Variants in ARHGAP10 observed in about 807,000 individuals in gnomAD.
ARHGAP10 encodes the protein Rho GTPase activating protein 10.
ARHGAP10 carries 87 observed loss-of-function variants against 108.6 expected under a neutral mutation model. The ratio of observed to expected loss-of-function variants is 0.80; its 90% confidence interval spans 0.67 to 0.96. The LOEUF (loss-of-function observed/expected upper bound fraction) is 0.96, where lower values mean the gene tolerates loss of function less well. Among genes scored for constraint, ARHGAP10 ranks in the 40% least tolerant of loss-of-function variants. The pLI is 0.00. For synonymous variants in ARHGAP10, 347 were observed against 341.1 expected, an observed-to-expected ratio of 1.02 and a Z score of -0.19; for missense variants, 939 against 954.5, an observed-to-expected ratio of 0.98 and a Z score of 0.21.
intron 18 of ARHGAP10, among the ~76,000 whole-genome samples, chr4:148,005,844 T>C (rs531902563): frequency 6.6e-6 from 1 of 152,376 alleles, no homozygotes; most frequent in Non-Finnish European, 1.5e-5. Context: ...ATGTTAATTG[T>C]GAAGCATTTA....
intron 18 of ARHGAP10, among the ~76,000 whole-genome samples, chr4:147,989,376 A>G (rs1198261096): frequency 6.6e-6 from 1 of 152,252 alleles, no homozygotes; most frequent in Admixed American, 6.5e-5. Context: ...GGGTTTTGAG[A>G]TCAACCGGTC....
At chr4:147,969,553 G>T (rs1158406666) in intron 18 of ARHGAP10, among the ~76,000 whole-genome samples, 1 of 152,088 alleles carries the variant, frequency 6.6e-6, no homozygotes, top group East Asian at 1.9e-4. Flanking sequence ...AAACCTTTAT[G>T]CAATTTATTT....
chr4:147,797,736 A>G (rs1309401065), intron 1 of ARHGAP10, among the ~76,000 whole-genome samples: 2 of 151,804 alleles, frequency 1.3e-5, no homozygotes, highest in Admixed American at 6.6e-5. Flanking sequence ...CCCCCTCCCC[A>G]TTTTTTATTT....
intron 3 of ARHGAP10, among the ~76,000 whole-genome samples, chr4:147,826,836 C>T (rs1051805795): frequency 6.6e-5 from 10 of 152,080 alleles, no homozygotes; most frequent in Non-Finnish European, 1.5e-4. Flanking sequence ...AAAGTTAGGT[C>T]ATATTCAAGT....
intron 16 of ARHGAP10, among the ~76,000 whole-genome samples, chr4:147,960,515 T>C (rs951686176): frequency 6.6e-6 from 1 of 152,228 alleles, no homozygotes; most frequent in Non-Finnish European, 1.5e-5. Context: ...ATAGGTTGTT[T>C]AGGCATTTCA....
At chr4:148,063,122 C>T (rs776431063) in intron 20 of ARHGAP10, 26 bp from the exon 21 acceptor site, 6 of 1,613,018 alleles carry the variant, frequency 3.7e-6, no homozygotes, top group Non-Finnish European at 5.1e-6. Context: ...TGCTATTAAT[C>T]CTGTCCTTCA....
At chr4:147,862,804 T>C (rs1382723721) in intron 5 of ARHGAP10, 1 of 152,218 alleles carries the variant, frequency 6.6e-6, no homozygotes, top group Admixed American at 6.5e-5. Context: ...TTTGCAGTAA[T>C]AACAAATGAG....
chr4:147,798,738 T>A (rs1289033375), intron 1 of ARHGAP10, among the ~76,000 whole-genome samples: 6 of 12,264 alleles, frequency 4.9e-4, no homozygotes, highest in Admixed American at 1.1e-3. Context: ...TCTCTCTCTC[T>A]CTCTCTCTCT....
intron 18 of ARHGAP10, among the ~76,000 whole-genome samples, chr4:148,020,546 G>GT (rs561409036): frequency 0.042 from 5,613 of 132,796 alleles, 142 homozygotes; most frequent in Non-Finnish European, 0.066. Flanking sequence ...TGCGTTTTTT[G>GT]TTTTTTTTTT....
At chr4:147,878,221 G>A (rs1056920383) in intron 8 of ARHGAP10, among the ~76,000 whole-genome samples, 4 of 151,812 alleles carry the variant, frequency 2.6e-5, no homozygotes, top group Non-Finnish European at 4.4e-5. Context: ...TCAGCCTCCC[G>A]AGTAGCTGGG....
chr4:147,852,776 T>C (rs1733926160), intron 4 of ARHGAP10, among the ~76,000 whole-genome samples: 1 of 142,482 alleles, frequency 7.0e-6, no homozygotes, highest in African/African-American at 2.6e-5. Context: ...TGGAGTAGAA[T>C]GGCATGATCT....
rs140629929 is a variant in ARHGAP10, at chr4:147,792,990, T to A, written c.155-29737T>A. Among the ~76,000 whole-genome samples the A allele has an allele frequency of 8.7e-3, 1,322 of 152,146 alleles. 19 individuals are homozygous for A. The highest frequency in any genetic ancestry group is 0.031 in the African/African-American group (1,273 of 41,514). ...CCGTCTCCACTAAAAATACAAAAAT[T>A]AGCTGGGTGTGGTGATGCATGCCTG... On this transcript the variant is annotated intron_variant, in intron 1 of 22. Transcript: ENST00000336498.
intron 7 of ARHGAP10, among the ~76,000 whole-genome samples, chr4:147,873,681 AACACACAC>A (rs67852364): frequency 1.2e-3 from 114 of 98,748 alleles, no homozygotes; most frequent in East Asian, 8.9e-3. Flanking sequence ...CAAAAAACAA[AACACACAC>A]ACACACACAC....
chr4:148,064,570 G>C, intron 22 of ARHGAP10, 63 bp downstream of exon 22: 2 of 1,397,058 alleles, frequency 1.4e-6, no homozygotes, highest in African/African-American at 1.4e-5. Context: ...TCTGCAGCAT[G>C]GAGTGAGCAG....
chr4:148,000,754 G>T (rs186941678), intron 18 of ARHGAP10, among the ~76,000 whole-genome samples: 1 of 152,090 alleles, frequency 6.6e-6, no homozygotes, highest in African/African-American at 2.4e-5. Context: ...CGTATCCTTC[G>T]CCCGCTTTGT....
chr4:147,949,096 C>T (rs367723165), intron 15 of ARHGAP10, among the ~76,000 whole-genome samples: 10 of 152,030 alleles, frequency 6.6e-5, no homozygotes, highest in Admixed American at 2.6e-4. Flanking sequence ...AAAATTTATC[C>T]GTGGGTGATA....
At chr4:147,873,011 G>C (rs1734900951) in intron 7 of ARHGAP10, among the ~76,000 whole-genome samples, 1 of 152,134 alleles carries the variant, frequency 6.6e-6, no homozygotes, top group Non-Finnish European at 1.5e-5. Flanking sequence ...TGTGTAAGTA[G>C]ATCCACAAAG....
chr4:147,895,039 A>C (rs1735931951), intron 10 of ARHGAP10, among the ~76,000 whole-genome samples: 1 of 152,168 alleles, frequency 6.6e-6, no homozygotes, highest in African/African-American at 2.4e-5. Context: ...GAAAACCCCC[A>C]AAACCCATAG....
chr4:147,833,960 A>G (rs1733058224), intron 3 of ARHGAP10, among the ~76,000 whole-genome samples: 3 of 152,290 alleles, frequency 2.0e-5, no homozygotes, highest in Admixed American at 2.0e-4. Flanking sequence ...GCTCTGTGGT[A>G]CAGTTGTGTT....
Sources: gnomAD v4.1 joint callset for allele counts (sites outside exome capture counted in the v4.1 genomes callset) on GRCh38, gnomAD v4.1.1 for gene constraint, MANE v1.5 for transcripts, NCBI Gene and HGNC (gene_info 2026-07-23, HGNC 2026-07-21) for gene names.